The following CDK19 variants were observed in gnomAD, a reference collection of about 807,000 sequenced individuals.
CDK19 encodes cyclin dependent kinase 19.
In CDK19, 20 loss-of-function variants were observed where a neutral mutation model predicts 68.3. That is an observed-to-expected ratio of 0.29 (90% CI 0.21 to 0.43). CDK19 has a LOEUF of 0.43. Among genes scored for constraint, CDK19 ranks in the 20% least tolerant of loss-of-function variants. The pLI is 1.00. For missense variants in CDK19, 339 were observed against 623.5 expected (o/e 0.54, Z 4.86); for synonymous variants, 221 against 222.8 (o/e 0.99, Z 0.07).
At chr6:110,645,882 A>G (rs1455311444) in intron 4 of CDK19, 1 of 740,424 alleles carries the variant, frequency 1.4e-6, no homozygotes, top group Non-Finnish European at 2.3e-6. Context: ...CGTAGACGAA[A>G]ACAGCGGCGA....
At chr6:110,771,305 C>A (rs1483188578) in intron 1 of CDK19, among the ~76,000 whole-genome samples, 1 of 152,226 alleles carries the variant, frequency 6.6e-6, no homozygotes, top group Non-Finnish European at 1.5e-5. Flanking sequence ...GGTTCCCAAA[C>A]CTCAGTTCTT....
At chr6:110,641,606 A>AG (rs1354440180) in intron 4 of CDK19, among the ~76,000 whole-genome samples, 1 of 147,128 alleles carries the variant, frequency 6.8e-6, no homozygotes, top group East Asian at 2.1e-4. Context: ...AAAAAAAAAA[A>AG]AAAAGAAAAA....
intron 3 of CDK19, among the ~76,000 whole-genome samples, chr6:110,668,218 G>A (rs192295303): frequency 2.0e-5 from 3 of 152,034 alleles, no homozygotes; most frequent in Admixed American, 2.0e-4. Context: ...ACCTGCCCCC[G>A]CAGTGCTCCC....
chr6:110,755,133 C>G (rs1778750856), intron 1 of CDK19, among the ~76,000 whole-genome samples: 3 of 151,586 alleles, frequency 2.0e-5, no homozygotes, highest in Admixed American at 2.0e-4. Context: ...CTCCGCCTCC[C>G]AGGTTCAAGC....
At chr6:110,744,011 GTTTT>G (rs5879078) in intron 2 of CDK19, among the ~76,000 whole-genome samples, 2 of 113,358 alleles carry the variant, frequency 1.8e-5, no homozygotes, top group Non-Finnish European at 3.3e-5. Flanking sequence ...ACCTCCCCAC[GTTTT>G]TTTTTTTTTT....
At chr6:110,755,431 T>C (rs1051492503) in intron 1 of CDK19, among the ~76,000 whole-genome samples, 1 of 152,002 alleles carries the variant, frequency 6.6e-6, no homozygotes, top group Non-Finnish European at 1.5e-5. Context: ...CATCAGATAA[T>C]GAGTGAATAG....
At chr6:110,805,273 ATCTTG>A (rs562647421) in intron 1 of CDK19, among the ~76,000 whole-genome samples, 4 of 152,186 alleles carry the variant, frequency 2.6e-5, no homozygotes, top group Non-Finnish European at 5.9e-5. Flanking sequence ...CTAGTTGTTC[ATCTTG>A]TCCCTTTGTT....
At chr6:110,804,016 A>G (rs1782505261) in intron 1 of CDK19, among the ~76,000 whole-genome samples, 1 of 152,190 alleles carries the variant, frequency 6.6e-6, no homozygotes, top group Non-Finnish European at 1.5e-5. Flanking sequence ...AGAAAAGAAA[A>G]GAGAGAAAGG....
At position 110,637,456 on chromosome 6, in the gene CDK19, G is replaced by A. The variant is rs77766085; in HGVS notation, c.514+1193C>T. On this transcript the variant is annotated intron_variant, in intron 5 of 12. Transcript: ENST00000368911. ...GTTTAAAGAAAAGGAAGTTGGTTTA[G>A]AACAGCTTATTTAGCAACTGGGCTA... Among the ~76,000 whole-genome samples the A allele has an allele frequency of 2.7e-3, 405 of 152,262 alleles. 2 individuals carry two copies. The highest frequency in any genetic ancestry group is 9.0e-3 in the African/African-American group (374 of 41,546).
intron 4 of CDK19, among the ~76,000 whole-genome samples, chr6:110,642,399 G>C (rs1421974455): frequency 6.7e-6 from 1 of 149,782 alleles, no homozygotes; most frequent in Non-Finnish European, 1.5e-5. Flanking sequence ...AATATTGTTT[G>C]ATCACAAACT....
chr6:110,815,002 C>T lies in CDK19; in HGVS notation c.128+7G>A. On this transcript the variant is annotated splice_region_variant and intron_variant, in intron 1 of 12. Transcript: ENST00000368911. ...AGCGAGCCTACTCCTCCCGCCCCTGCTCTTACCCATCTTTCCGCCTCGCCT... is the reference window on the plus strand; with the variant it reads ...AGCGAGCCTACTCCTCCCGCCCCTGTTCTTACCCATCTTTCCGCCTCGCCT... 6.2e-7 allele frequency: 1 copy of T among 1,603,954 alleles called. No homozygotes were observed. Among genetic ancestry groups the T allele is most frequent in the Non-Finnish European group, 8.5e-7 (1 of 1,175,878 alleles).
intron 1 of CDK19, among the ~76,000 whole-genome samples, chr6:110,788,843 G>A (rs1361764112): frequency 6.6e-6 from 1 of 152,116 alleles, no homozygotes; most frequent in African/African-American, 2.4e-5. Context: ...TCAAGGAACT[G>A]AACTTTTTTT....
chr6:110,644,163 G>A (rs1233760753), intron 4 of CDK19, among the ~76,000 whole-genome samples: 6 of 151,924 alleles, frequency 3.9e-5, no homozygotes, highest in East Asian at 1.9e-4. Context: ...ATGATGGCCC[G>A]TGCCTGTAGT....
Position 110,815,278 on chromosome 6 carries a change from C to T in CDK19, c.-142G>A, listed in dbSNP as rs1400522319. 4 of 964,212 alleles carry T rather than the reference C, an allele frequency of 4.1e-6. No individual in the cohort carries two copies. The African/African-American group carries it at 5.2e-5, about 13-fold the overall frequency. The allele number at this position is 964,212 out of a possible 1,614,324, so 59.7% of individuals were successfully genotyped here. On this transcript the variant is annotated 5_prime_UTR_variant, in exon 1 of 13. Coordinates refer to ENST00000368911, the MANE Select transcript of CDK19 (RefSeq NM_015076.5). ...GCGCGCCGCCCGCCGCCCGCCGCTCCGCGGTCCGCCTTCAGCAAGGGACTC... is the reference window on the plus strand; with the variant it reads ...GCGCGCCGCCCGCCGCCCGCCGCTCTGCGGTCCGCCTTCAGCAAGGGACTC...
At chr6:110,625,876 T>C (rs771669850) in intron 8 of CDK19, among the ~76,000 whole-genome samples, 66 of 152,194 alleles carry the variant, frequency 4.3e-4, no homozygotes, top group Non-Finnish European at 9.3e-4. Flanking sequence ...CTATAAGCCA[T>C]CCTGTCCTGA....
At chr6:110,804,530 T>A (rs766332709) in intron 1 of CDK19, among the ~76,000 whole-genome samples, 2 of 151,656 alleles carry the variant, frequency 1.3e-5, no homozygotes, top group East Asian at 4.0e-4. Flanking sequence ...TTGTATTTTT[T>A]AGTAGAGACG....
chr6:110,695,890 T>G (rs9487491), intron 2 of CDK19, among the ~76,000 whole-genome samples: 2,013 of 151,272 alleles, frequency 0.013, 58 homozygotes, highest in African/African-American at 0.046. Context: ...CAGGACCAGA[T>G]GGATTCACAG....
At chr6:110,705,771 A>T (rs1310949186) in intron 2 of CDK19, among the ~76,000 whole-genome samples, 3 of 152,172 alleles carry the variant, frequency 2.0e-5, no homozygotes, top group Non-Finnish European at 4.4e-5. Context: ...ACCAAATGCC[A>T]CATGTTCCCA....
At chr6:110,803,114 C>A (rs1024522519) in intron 1 of CDK19, among the ~76,000 whole-genome samples, 4 of 151,898 alleles carry the variant, frequency 2.6e-5, no homozygotes, top group Admixed American at 6.6e-5. Flanking sequence ...GAGTCTTGCT[C>A]TGTAGCCCAG....
Sources: allele counts gnomAD v4.1 joint callset (sites outside exome capture counted in the v4.1 genomes callset), GRCh38; gene constraint gnomAD v4.1.1; transcripts MANE v1.5; gene names NCBI Gene and HGNC (gene_info 2026-07-23, HGNC 2026-07-21).